Variants in AK5 observed in about 807,000 individuals in gnomAD.
AK5 encodes adenylate kinase 5.
A neutral mutation model predicts 69.5 loss-of-function variants in AK5; 27 were observed. That is an observed-to-expected ratio of 0.39 (90% CI 0.29 to 0.54). The LOEUF (loss-of-function observed/expected upper bound fraction) is 0.54, where lower values mean the gene tolerates loss of function less well. Among genes scored for constraint, AK5 ranks in the 20% least tolerant of loss-of-function variants. The pLI is 0.71. For synonymous variants in AK5, 260 were observed against 244.4 expected (o/e 1.06, Z -0.60); for missense variants, 531 against 700.4 (o/e 0.76, Z 2.73).
chr1:77,548,353 C>A (rs1312376183), intron 13 of AK5, among the ~76,000 whole-genome samples: 1 of 152,110 alleles, frequency 6.6e-6, no homozygotes, highest in Non-Finnish European at 1.5e-5. Flanking sequence ...TTTTACATAA[C>A]CCCAACTTTT....
intron 5 of AK5, among the ~76,000 whole-genome samples, chr1:77,310,010 T>C (rs917354017): frequency 1.3e-5 from 2 of 152,154 alleles, no homozygotes; most frequent in Admixed American, 6.5e-5. Flanking sequence ...TAAGAAAGTG[T>C]TCCCCATAAT....
intron 12 of AK5, among the ~76,000 whole-genome samples, chr1:77,534,004 G>A (rs986015431): frequency 2.0e-5 from 3 of 151,848 alleles, no homozygotes; most frequent in African/African-American, 7.3e-5. Flanking sequence ...CTATTCCAGA[G>A]GTTTATTGCA....
chr1:77,339,932 A>G (rs1227151560), intron 5 of AK5, among the ~76,000 whole-genome samples: 1 of 152,138 alleles, frequency 6.6e-6, no homozygotes, highest in East Asian at 1.9e-4. Context: ...CAATATCTTA[A>G]GGAAACAGCA....
chr1:77,547,428 C>T (rs1442628039), intron 13 of AK5, among the ~76,000 whole-genome samples: 1 of 151,988 alleles, frequency 6.6e-6, no homozygotes, highest in East Asian at 1.9e-4. Context: ...TGTGTGCCAC[C>T]ATGTGTGGCT....
intron 6 of AK5, among the ~76,000 whole-genome samples, chr1:77,391,010 G>A (rs919936493): frequency 9.9e-5 from 15 of 151,986 alleles, no homozygotes; most frequent in African/African-American, 1.9e-4. Context: ...AATAATCCAC[G>A]GACAAACTTT....
chr1:77,546,014 A>G (rs372338217), intron 13 of AK5, among the ~76,000 whole-genome samples: 1 of 151,898 alleles, frequency 6.6e-6, no homozygotes, highest in South Asian at 2.1e-4. Flanking sequence ...TCTTCTCTCC[A>G]CCCCCTTTCC....
chr1:77,426,378 G>T (rs1025754305), intron 8 of AK5, among the ~76,000 whole-genome samples: 37 of 152,284 alleles, frequency 2.4e-4, no homozygotes, highest in African/African-American at 8.9e-4. Flanking sequence ...AGTTATCAGA[G>T]ATTTTTTAAA....
At chr1:77,408,099 G>A (rs1649780792) in intron 6 of AK5, among the ~76,000 whole-genome samples, 1 of 152,056 alleles carries the variant, frequency 6.6e-6, no homozygotes, top group South Asian at 2.1e-4. Flanking sequence ...ACATATGAGT[G>A]CATTTGTCTT....
chr1:77,388,104 T>C (rs535169360), intron 6 of AK5, among the ~76,000 whole-genome samples: 2 of 152,350 alleles, frequency 1.3e-5, no homozygotes, highest in South Asian at 2.1e-4. Context: ...TCATATTGTT[T>C]GAAAGTTCCA....
At chr1:77,445,653 C>G (rs183203291) in intron 8 of AK5, among the ~76,000 whole-genome samples, 100 of 152,270 alleles carry the variant, frequency 6.6e-4, no homozygotes, top group African/African-American at 2.2e-3. Context: ...GGCATGATCT[C>G]AGCTCACTGC....
chr1:77,455,787 G>A (rs796857728), intron 8 of AK5, among the ~76,000 whole-genome samples: 27 of 152,216 alleles, frequency 1.8e-4, no homozygotes, highest in African/African-American at 6.5e-4. Flanking sequence ...CCCACCCCCA[G>A]AGATTCTGAG....
chr1:77,343,975 C>A (rs1661788644), intron 6 of AK5, among the ~76,000 whole-genome samples: 1 of 152,168 alleles, frequency 6.6e-6, no homozygotes, highest in African/African-American at 2.4e-5. Context: ...TTAAAAGTGT[C>A]TATTAATGAG....
chr1:77,356,794 A>G (rs1168919223), intron 6 of AK5, among the ~76,000 whole-genome samples: 2 of 152,198 alleles, frequency 1.3e-5, no homozygotes, highest in Non-Finnish European at 2.9e-5. Flanking sequence ...CTTTCAATGT[A>G]TTGGATTTCT....
Position 77,558,625 on chromosome 1 carries a change from G to C in AK5, c.1644G>C (p.Glu548Asp). 1 of 1,601,238 alleles carries C rather than the reference G, an allele frequency of 6.2e-7. No homozygotes were observed. The highest frequency in any genetic ancestry group is 8.5e-7 in the Non-Finnish European group (1 of 1,169,628). ...LHKINAEGTPEDVFLQLCTAI... is the reference protein window; with the variant it reads ...LHKINAEGTPDDVFLQLCTAI... ...AGATAAATGCAGAGGGAACACCAGA[G>C]GACGTTTTTCTTCAACTCTGCACAG... The change falls in exon 14 of 14, where the codon GAG becomes GAC. Residue 548 changes from glutamate (E) to aspartate (D), a missense_variant. Transcript: ENST00000354567.
At chr1:77,407,132 A>G (rs1406071381) in intron 6 of AK5, among the ~76,000 whole-genome samples, 1 of 152,180 alleles carries the variant, frequency 6.6e-6, no homozygotes, top group African/African-American at 2.4e-5. Flanking sequence ...CACAAATGTT[A>G]CAATTAACAG....
In AK5 at chr1:77,555,665, T is replaced by C. The variant is rs78872460; in HGVS notation, c.1621-2937T>C. 5.2e-3 allele frequency among the ~76,000 whole-genome samples: 787 copies of C among 152,336 alleles called. 6 individuals are homozygous for C. Among genetic ancestry groups the C allele is most frequent in the African/African-American group, 0.018 (749 of 41,576 alleles). ...CATTCCTGTGCCATTACTAGTAATA[T>C]TTATCATTTTAAATGATGACAATTA... On this transcript the variant is annotated intron_variant, in intron 13 of 13. Coordinates refer to ENST00000354567, the MANE Select transcript of AK5 (RefSeq NM_174858.3).
At chr1:77,334,258 TA>T (rs1037402455) in intron 5 of AK5, among the ~76,000 whole-genome samples, 2 of 152,170 alleles carry the variant, frequency 1.3e-5, no homozygotes, top group Non-Finnish European at 2.9e-5. Context: ...ATCAACACTT[TA>T]AAAAAATAGT....
intron 6 of AK5, among the ~76,000 whole-genome samples, chr1:77,394,258 T>C (rs1476439056): frequency 1.3e-5 from 2 of 151,562 alleles, no homozygotes; most frequent in African/African-American, 4.8e-5. Context: ...AATCTGAATG[T>C]GTGCTTTGTG....
intron 5 of AK5, among the ~76,000 whole-genome samples, chr1:77,338,679 G>A (rs1661493077): frequency 6.6e-6 from 1 of 151,882 alleles, no homozygotes; most frequent in East Asian, 1.9e-4. Context: ...CCCACTTCAG[G>A]GATCTGAGGA....
Sources: gnomAD v4.1 joint callset for allele counts (sites outside exome capture counted in the v4.1 genomes callset) on GRCh38, gnomAD v4.1.1 for gene constraint, MANE v1.5 for transcripts, NCBI Gene and HGNC (gene_info 2026-07-23, HGNC 2026-07-21) for gene names.